The following CACNA1C variants were observed in gnomAD, a reference collection of about 807,000 sequenced individuals.
CACNA1C encodes voltage-dependent L-type calcium channel subunit alpha-1C.
A neutral mutation model predicts 229.0 loss-of-function variants in CACNA1C; 30 were observed. The ratio of observed to expected loss-of-function variants is 0.13; its 90% CI spans 0.10 to 0.18. CACNA1C has a LOEUF of 0.18. Ranked by LOEUF, CACNA1C falls within the 10% of genes least tolerant of loss-of-function variation. The pLI, the probability that CACNA1C is intolerant of heterozygous loss-of-function variation, is 1.00. For synonymous variants in CACNA1C, 1,114 were observed against 1,132.5 expected (o/e 0.98, Z 0.33); for missense variants, 1,658 against 2,845.0 (o/e 0.58, Z 9.49).
In CACNA1C at chr12:2,482,233, T is replaced by A. The variant is rs369466752; in HGVS notation, c.758-3871T>A. Among the ~76,000 whole-genome samples the A allele has an allele frequency of 2.6e-5, 4 of 152,236 alleles. No homozygotes were observed. The East Asian group carries it at 7.7e-4, about 29-fold the overall frequency. ...ACCAGCCTTGGAAACATCTGGGCTC[T>A]CCTGGAAGCAGGGACTCCACTAGAC... On this transcript the variant is annotated intron_variant, in intron 5 of 46. Transcript: ENST00000399655.
intron 3 of CACNA1C, among the ~76,000 whole-genome samples, chr12:2,396,111 G>A (rs541311116): frequency 2.0e-5 from 3 of 152,176 alleles, no homozygotes; most frequent in Non-Finnish European, 2.9e-5. Flanking sequence ...GTGTGTGTGC[G>A]TGGTGTCTTT....
At chr12:2,680,958 A>C (rs2153810504) in intron 42 of CACNA1C, among the ~76,000 whole-genome samples, 1 of 152,218 alleles carries the variant, frequency 6.6e-6, no homozygotes, top group African/African-American at 2.4e-5. Flanking sequence ...TGCATAGGAG[A>C]GGATCTAATC....
intron 3 of CACNA1C, among the ~76,000 whole-genome samples, chr12:2,191,829 TACAC>T (rs1351170222): frequency 7.8e-6 from 1 of 127,404 alleles, no homozygotes; most frequent in African/African-American, 3.3e-5. Context: ...CACACACACA[TACAC>T]AGGCACACAC....
chr12:2,257,575 G>T (rs1259492598), intron 3 of CACNA1C, among the ~76,000 whole-genome samples: 1 of 152,220 alleles, frequency 6.6e-6, no homozygotes, highest in Non-Finnish European at 1.5e-5. Context: ...AGGCTGTAAT[G>T]CTGGCTTGCC....
At chr12:2,622,104 G>A (rs1315743967) in intron 29 of CACNA1C, among the ~76,000 whole-genome samples, 1 of 152,194 alleles carries the variant, frequency 6.6e-6, no homozygotes, top group East Asian at 1.9e-4. Flanking sequence ...ATGAGGGGTG[G>A]AGAAGAAAAT....
At chr12:2,395,279 C>A (rs2154549589) in intron 3 of CACNA1C, among the ~76,000 whole-genome samples, 1 of 147,104 alleles carries the variant, frequency 6.8e-6, no homozygotes, top group South Asian at 2.2e-4. Context: ...AGTGCAATGA[C>A]ATGATCTCAG....
chr12:2,567,534 C>A (rs763865699), intron 12 of CACNA1C, 35 bp from the exon 13 acceptor site: 36 of 1,387,142 alleles, frequency 2.6e-5, no homozygotes, highest in Middle Eastern at 1.8e-4. Context: ...TCCTCTGGCC[C>A]TGCTCGGATC....
chr12:2,116,811 A>C (rs111665849), intron 2 of CACNA1C, among the ~76,000 whole-genome samples: 1,951 of 152,246 alleles, frequency 0.013, 51 homozygotes, highest in African/African-American at 0.044. Context: ...GAATTTTTAT[A>C]ATAAGGATTC....
intron 3 of CACNA1C, among the ~76,000 whole-genome samples, chr12:2,279,220 A>G (rs1255560983): frequency 6.6e-6 from 1 of 151,902 alleles, no homozygotes. Flanking sequence ...GTTGGAAGTC[A>G]TTTTCCATAT....
upstream of CACNA1C, chr12:2,052,887 G>A (rs2052659268): frequency 4.7e-6 from 3 of 644,232 alleles, no homozygotes; most frequent in African/African-American, 2.0e-5. Context: ...GTCTGCCTCC[G>A]GCGCGCCGGG....
chr12:2,583,166 C>T (rs1448256577), intron 15 of CACNA1C, among the ~76,000 whole-genome samples: 3 of 152,204 alleles, frequency 2.0e-5, no homozygotes, highest in African/African-American at 4.8e-5. Context: ...CGCCGCGCTC[C>T]GGGCGGGCTG....
At chr12:2,385,166 A>C (rs937860584) in intron 3 of CACNA1C, among the ~76,000 whole-genome samples, 2 of 152,228 alleles carry the variant, frequency 1.3e-5, no homozygotes, top group Non-Finnish European at 2.9e-5. Flanking sequence ...AGAAAGTGAA[A>C]ACATGAGCAA....
intron 3 of CACNA1C, among the ~76,000 whole-genome samples, chr12:2,179,988 G>A (rs2096784512): frequency 6.6e-6 from 1 of 152,128 alleles, no homozygotes; most frequent in Admixed American, 6.5e-5. Flanking sequence ...GGTCCTCAAG[G>A]CCCTTCCTTC....
At chr12:2,322,780 C>T (rs567326803) in intron 3 of CACNA1C, among the ~76,000 whole-genome samples, 1 of 152,390 alleles carries the variant, frequency 6.6e-6, no homozygotes, top group South Asian at 2.1e-4. Context: ...AGCTCTATCC[C>T]ATAGCCTGTT....
At chr12:2,313,468 G>T (rs1245887708) in intron 3 of CACNA1C, among the ~76,000 whole-genome samples, 1 of 152,210 alleles carries the variant, frequency 6.6e-6, no homozygotes, top group African/African-American at 2.4e-5. Flanking sequence ...AAACTGGCTT[G>T]CAGGTCTTTG....
chr12:2,576,073 G>A (rs2058278833), intron 13 of CACNA1C, among the ~76,000 whole-genome samples: 1 of 152,212 alleles, frequency 6.6e-6, no homozygotes, highest in Admixed American at 6.5e-5. Context: ...CGGCAAGTGA[G>A]AGAGCTTAAA....
Position 2,593,275 on chromosome 12 carries a change from C to T in CACNA1C, c.2593C>T (p.Leu865Phe). 2 of 1,613,732 alleles carry T rather than the reference C, an allele frequency of 1.2e-6. No individual in the cohort carries two copies. Among genetic ancestry groups the T allele is most frequent in the African/African-American group, 1.3e-5 (1 of 75,056 alleles). Residue 865 changes from leucine to phenylalanine, a missense_variant, in exon 19 of 47, where the codon CTT (leucine) becomes TTT (phenylalanine). Physicochemically the swap from Leu to Phe is conservative, Grantham distance 22 (BLOSUM62 0). Around this residue, in one of 20 missense-constraint regions of CACNA1C, gnomAD observed 121 missense variants for 128.8 expected, o/e 0.94. Transcript: ENST00000399655. ...VGPRPRPLSE[L>F]HLKEKAVPMP... ...CCCTCGCCCACGACCACTCTCTGAG[C>T]TTCACCTTAAGGAAAAGGCAGTGCC...
chr12:2,359,447 A>T (rs2097492878), intron 3 of CACNA1C, among the ~76,000 whole-genome samples: 1 of 152,138 alleles, frequency 6.6e-6, no homozygotes, highest in Admixed American at 6.5e-5. Flanking sequence ...TTCTTATGCA[A>T]CCTGCCCTCT....
At chr12:2,636,233 A>G (rs1044178884) in intron 30 of CACNA1C, among the ~76,000 whole-genome samples, 1 of 152,236 alleles carries the variant, frequency 6.6e-6, no homozygotes, top group African/African-American at 2.4e-5. Flanking sequence ...AGGAAAACGC[A>G]GAAAGGTGAC....
Sources: allele counts gnomAD v4.1 joint callset (sites outside exome capture counted in the v4.1 genomes callset), GRCh38; gene constraint gnomAD v4.1.1; regional missense constraint gnomAD v4.1.1; transcripts MANE v1.5; gene names NCBI Gene and HGNC (gene_info 2026-07-23, HGNC 2026-07-21).